Variants in CNTLN observed in about 807,000 individuals in gnomAD.
CNTLN encodes the protein centlein, centrosomal protein.
A neutral mutation model predicts 180.0 loss-of-function variants in CNTLN; 212 were observed. The ratio of observed to expected loss-of-function variants is 1.18; its 90% CI spans 1.05 to 1.32. The LOEUF is 1.32. Among genes scored for constraint, CNTLN ranks in the 40% most tolerant of loss-of-function variants. CNTLN has a pLI of 0.00. For missense variants in CNTLN, 2,095 were observed against 1,610.9 expected, an observed-to-expected ratio of 1.30 and a Z score of -5.14; for synonymous variants, 722 against 563.1, an observed-to-expected ratio of 1.28 and a Z score of -3.99.
At chr9:17,326,964 G>A (rs1173670713) in intron 8 of CNTLN, among the ~76,000 whole-genome samples, 3 of 152,094 alleles carry the variant, frequency 2.0e-5, no homozygotes, top group African/African-American at 7.2e-5. Flanking sequence ...AAAAAACTAA[G>A]GAAATATGAA....
rs79926628 is a variant in CNTLN, at chr9:17,472,387, A to G, written c.3855+5496A>G. On this transcript the variant is annotated intron_variant, in intron 23 of 25. Coordinates refer to ENST00000380647, the MANE Select transcript of CNTLN (RefSeq NM_017738.4). ...TGTATCTCATTTTAGAATGCTAGTC[A>G]TACAGCTTAGCACCCGGATTATCTT... 5.3e-4 allele frequency among the ~76,000 whole-genome samples: 81 copies of G among 152,258 alleles called. 1 individual carries two copies. In the East Asian group the frequency reaches 0.015, roughly 28 times the overall value.
At chr9:17,344,752 A>G (rs1304011653) in intron 12 of CNTLN, among the ~76,000 whole-genome samples, 1 of 152,220 alleles carries the variant, frequency 6.6e-6, no homozygotes, top group African/African-American at 2.4e-5. Flanking sequence ...ATTTTTTAAC[A>G]TTGTATGTAG....
intron 7 of CNTLN, chr9:17,298,668 C>T: frequency 2.0e-6 from 2 of 1,017,716 alleles, no homozygotes; most frequent in Non-Finnish European, 1.2e-6. Context: ...GAATGGAATT[C>T]CTCGGCCTGC....
At chr9:17,274,453 A>ATATCTATC (rs71331478) in intron 6 of CNTLN, among the ~76,000 whole-genome samples, 1,767 of 138,856 alleles carry the variant, frequency 0.013, 14 homozygotes, top group East Asian at 0.018. Context: ...TCATAGATCA[A>ATATCTATC]TATCTATCTA....
At chr9:17,294,769 C>CG (rs1362458391) in intron 6 of CNTLN, among the ~76,000 whole-genome samples, 1 of 71,172 alleles carries the variant, frequency 1.4e-5, no homozygotes, top group Non-Finnish European at 2.9e-5. Context: ...GAGCCCACCG[C>CG]GGGGGGAGTG....
At chr9:17,417,922 C>T (rs1446747097) in intron 18 of CNTLN, among the ~76,000 whole-genome samples, 2 of 151,846 alleles carry the variant, frequency 1.3e-5, no homozygotes, top group African/African-American at 4.8e-5. Context: ...TAAAAAGCAC[C>T]TCAGTTACTG....
chr9:17,443,804 G>T (rs1169621401), intron 18 of CNTLN, among the ~76,000 whole-genome samples: 1 of 152,102 alleles, frequency 6.6e-6, no homozygotes. Flanking sequence ...TAAGTTTGGG[G>T]GAGTTATCTG....
chr9:17,448,079 C>G (rs1314405284), intron 18 of CNTLN: 2 of 169,114 alleles, frequency 1.2e-5, no homozygotes, highest in Middle Eastern at 1.8e-3. Context: ...TCTGCATAAC[C>G]TAGAAGATCA....
At chr9:17,347,499 T>A (rs1014085352) in intron 12 of CNTLN, among the ~76,000 whole-genome samples, 3 of 151,930 alleles carry the variant, frequency 2.0e-5, no homozygotes, top group Non-Finnish European at 4.4e-5. Context: ...TGAAACCCTG[T>A]CTCTACTAAA....
chr9:17,486,612 G>C (rs1832902828), intron 24 of CNTLN, among the ~76,000 whole-genome samples: 1 of 152,030 alleles, frequency 6.6e-6, no homozygotes, highest in Admixed American at 6.6e-5. Context: ...TGACAAGTCA[G>C]ATTTTGGAAT....
intron 13 of CNTLN, among the ~76,000 whole-genome samples, chr9:17,369,949 T>C (rs1447674379): frequency 6.8e-6 from 1 of 147,830 alleles, no homozygotes; most frequent in Non-Finnish European, 1.5e-5. Context: ...ATCACGCCAC[T>C]GCACTCCAGC....
At chr9:17,287,897 T>C (rs1829091739) in intron 6 of CNTLN, among the ~76,000 whole-genome samples, 1 of 146,322 alleles carries the variant, frequency 6.8e-6, no homozygotes, top group Non-Finnish European at 1.5e-5. Flanking sequence ...TTCTTCTCTC[T>C]TTTTTTCTTT....
chr9:17,438,743 A>T (rs1183909816), intron 18 of CNTLN, among the ~76,000 whole-genome samples: 2 of 152,222 alleles, frequency 1.3e-5, no homozygotes, highest in Non-Finnish European at 2.9e-5. Flanking sequence ...GGCTAGACAT[A>T]TAAATTTTGC....
the CNTLN span, among the ~76,000 whole-genome samples, chr9:17,524,155 G>A: frequency 6.6e-6 from 1 of 152,116 alleles, no homozygotes; most frequent in African/African-American, 2.4e-5. Flanking sequence ...CTAATATTCT[G>A]TATGTGTTTA....
At chr9:17,321,624 G>A (rs959151045) in intron 8 of CNTLN, among the ~76,000 whole-genome samples, 12 of 152,078 alleles carry the variant, frequency 7.9e-5, no homozygotes, top group Admixed American at 4.6e-4. Context: ...CTTGCCAGAG[G>A]GTCTGATATT....
At chr9:17,496,317 C>T (rs2441989) in intron 25 of CNTLN, among the ~76,000 whole-genome samples, 149,448 of 152,280 alleles carry the variant, frequency 0.98, 73,352 homozygotes, top group Middle Eastern at 0.99. Context: ...TTTTCACATT[C>T]CTGGGGTCTG....
chr9:17,281,917 G>C (rs538649052), intron 6 of CNTLN, among the ~76,000 whole-genome samples: 7 of 152,070 alleles, frequency 4.6e-5, no homozygotes, highest in Admixed American at 2.6e-4. Flanking sequence ...CAGTGTCAAA[G>C]CGTTCCTGTT....
In CNTLN at chr9:17,263,158, C is replaced by A. The variant is rs185462269; in HGVS notation, c.850-10575C>A. On this transcript the variant is annotated intron_variant, in intron 5 of 25. Coordinates refer to ENST00000380647, the MANE Select transcript of CNTLN (RefSeq NM_017738.4). The stretch of plus-strand genomic sequence containing the variant: ...CTGCACCCATTAAGTCGTCATTTAG[C>A]ATTAGGTATATCTCCTAATGCTATC... Among the ~76,000 whole-genome samples, 756 of 149,424 alleles carry A rather than the reference C, an allele frequency of 5.1e-3. 5 individuals are homozygous for A. Among genetic ancestry groups the A allele is most frequent in the Admixed American group, 7.7e-3 (116 of 15,094 alleles).
chr9:17,394,691 T>C lies in CNTLN; in HGVS notation c.2237T>C (p.Ile746Thr), dbSNP rs1374722961. 6.2e-7 allele frequency: 1 copy of C among 1,613,354 alleles called. No homozygotes were observed. Among genetic ancestry groups the C allele is most frequent in the Admixed American group, 1.7e-5 (1 of 59,922 alleles). ...TETREKELEQ[I>T]IKGSKDVEKE... ...ACCAGAGAAAAAGAGCTAGAACAGA[T>C]AATAAAGGGGAGTAAAGATGTAGAA... The change falls in exon 15 of 26, where the codon ATA becomes ACA. Residue 746 changes from isoleucine (I) to threonine (T), a missense_variant. Physicochemically the swap from Ile to Thr is moderately conservative, Grantham distance 89. Transcript: ENST00000380647.
Sources: allele counts gnomAD v4.1 joint callset (sites outside exome capture counted in the v4.1 genomes callset), GRCh38; gene constraint gnomAD v4.1.1; transcripts MANE v1.5; gene names NCBI Gene and HGNC (gene_info 2026-07-23, HGNC 2026-07-21).